Variants in ULK2 observed in about 807,000 individuals in gnomAD.
ULK2 encodes serine/threonine-protein kinase ULK2.
A neutral mutation model predicts 127.5 loss-of-function variants in ULK2; 76 were observed. That is an observed-to-expected ratio of 0.60 (90% CI 0.50 to 0.72). The LOEUF is 0.72. Among genes scored for constraint, ULK2 ranks in the 30% least tolerant of loss-of-function variants. The pLI is 0.00. For missense variants in ULK2, 1,144 were observed against 1,295.9 expected (o/e 0.88, Z 1.80); for synonymous variants, 452 against 461.9 (o/e 0.98, Z 0.28).
At chr17:19,815,599 A>G (rs771058682) in intron 13 of ULK2, among the ~76,000 whole-genome samples, 1 of 152,242 alleles carries the variant, frequency 6.6e-6, no homozygotes, top group Non-Finnish European at 1.5e-5. Flanking sequence ...CATTATATAT[A>G]TTTTAAAAAC....
rs771645755 is a variant in ULK2 at position 19,796,168 on chromosome 17, A to T, written c.1924T>A (p.Cys642Ser). Residue 642 changes from cysteine to serine, a missense_variant, in exon 19 of 27, where the codon TGT (cysteine) becomes AGT (serine). Physicochemically the swap from Cys to Ser is moderately radical, Grantham distance 112. Coordinates refer to ENST00000395544, the MANE Select transcript of ULK2 (RefSeq NM_014683.4). ...QSKDGNEPRE[C>S]AHCLLVQGSE... ...CCTTGCACTAAGAGGCAATGGGCAC[A>T]TTCCCGTGGCTCATTCCCATCTTTC... 3.1e-6 allele frequency: 5 copies of T among 1,614,194 alleles called. No individual in the cohort carries two copies. In the South Asian group the frequency reaches 5.5e-5, roughly 18 times the overall value.
intron 9 of ULK2, 144 bp downstream of exon 9, chr17:19,841,345 C>T (rs2041750145): frequency 2.6e-6 from 2 of 772,672 alleles, no homozygotes; most frequent in Admixed American, 3.3e-5. Flanking sequence ...GATGTGCCAG[C>T]AATTTTCTAA....
chr17:19,843,662 T>C (rs2041817383), intron 7 of ULK2, among the ~76,000 whole-genome samples: 1 of 144,396 alleles, frequency 6.9e-6, no homozygotes, highest in Admixed American at 6.8e-5. Context: ...TATTTTTTCT[T>C]TTTTTTTTTT....
chr17:19,841,479 A>T lies in ULK2; in HGVS notation c.704+10T>A. 6.3e-7 allele frequency: 1 copy of T among 1,590,846 alleles called. No individual in the cohort carries two copies. Among genetic ancestry groups the T allele is most frequent in the Middle Eastern group, 1.8e-4 (1 of 5,536 alleles). On this transcript the variant is annotated intron_variant, in intron 9 of 26. Transcript: ENST00000395544. ...CAAATAGTAAAACCCAGTGTAATCT[A>T]AACACATACCTAGGCATTAAGCTCC...
rs942054291 is a variant in ULK2 at position 19,777,633 on chromosome 17, T to C, written c.3000A>G (p.Glu1000=). The change falls in exon 26 of 27, where the codon GAA becomes GAG. Residue 1000 remains glutamate, a synonymous_variant. Transcript: ENST00000395544. The part of the protein sequence containing the change: ...YRYHKAALLL[E]GLSRILQDPA... ...GGTCCTGTAGAATCCTACTTAGGCC[T>C]TCCAAAAGAAGGGCTGCCTTATGAT... 3.3e-5 allele frequency: 54 copies of C among 1,613,958 alleles called. No individual in the cohort carries two copies. In the Admixed American group the frequency reaches 8.0e-4, roughly 24 times the overall value.
At chr17:19,833,535 C>T (rs937577608) in intron 10 of ULK2, among the ~76,000 whole-genome samples, 1 of 151,910 alleles carries the variant, frequency 6.6e-6, no homozygotes, top group Non-Finnish European at 1.5e-5. Context: ...ATGGTGAAAC[C>T]CCGACTCTAT....
chr17:19,841,618 CAT>C (rs756138170), intron 8 of ULK2, 71 bp from the exon 9 acceptor site: 7 of 1,227,860 alleles, frequency 5.7e-6, no homozygotes, highest in Non-Finnish European at 7.9e-6. Flanking sequence ...GATTGACACT[CAT>C]ATGCTTTTTT....
intron 12 of ULK2, among the ~76,000 whole-genome samples, chr17:19,819,149 C>T (rs1202766686): frequency 6.6e-6 from 1 of 152,124 alleles, no homozygotes; most frequent in Non-Finnish European, 1.5e-5. Flanking sequence ...CCTATATATC[C>T]CTTAATTCAA....
intron 3 of ULK2, among the ~76,000 whole-genome samples, chr17:19,852,485 C>T (rs1477292676): frequency 5.7e-5 from 8 of 141,574 alleles, no homozygotes; most frequent in Admixed American, 5.0e-4. Flanking sequence ...CACCACTGCA[C>T]TCTAGCCTGG....
At chr17:19,816,624 C>G in intron 13 of ULK2, 125 bp downstream of exon 13, 1 of 833,108 alleles carries the variant, frequency 1.2e-6, no homozygotes, top group Non-Finnish European at 1.7e-6. Context: ...AGAATTCAAA[C>G]AACTAAATAA....
In ULK2 at chr17:19,797,470, A is replaced by T. The variant is rs1316110494; in HGVS notation, c.1735T>A (p.Leu579Met). ...GSLGTSPTKHLGSSPRSSDWF... is the reference protein window; with the variant it reads ...GSLGTSPTKHMGSSPRSSDWF... Reference sequence around the variant, plus strand: ...TCAGAACTCCGTGGAGAGGACCCCAAGTGCTTGGTGGGAGAAGTTCCAAGG... The same window carrying T: ...TCAGAACTCCGTGGAGAGGACCCCATGTGCTTGGTGGGAGAAGTTCCAAGG... The change falls in exon 18 of 27, where the codon TTG becomes ATG. Residue 579 changes from leucine (L) to methionine (M), a missense_variant. Leu to Met is a conservative substitution (Grantham distance 15). Around this residue, in one of 2 missense-constraint regions of ULK2, gnomAD observed 913 missense variants for 970.5 expected, o/e 0.94. Coordinates refer to ENST00000395544, the MANE Select transcript of ULK2 (RefSeq NM_014683.4). 1.2e-6 allele frequency: 2 copies of T among 1,613,974 alleles called. No homozygotes were observed. Among genetic ancestry groups the T allele is most frequent in the African/African-American group, 2.7e-5 (2 of 75,030 alleles).
chr17:19,861,482 T>C (rs1193031813), intron 3 of ULK2, among the ~76,000 whole-genome samples: 1 of 152,120 alleles, frequency 6.6e-6, no homozygotes, highest in Non-Finnish European at 1.5e-5. Context: ...GAGGCGAAGC[T>C]TGCAGTGAGC....
chr17:19,809,018 C>A (rs1413226660), intron 14 of ULK2, among the ~76,000 whole-genome samples: 1 of 152,104 alleles, frequency 6.6e-6, no homozygotes, highest in African/African-American at 2.4e-5. Flanking sequence ...TTGAAGCAAC[C>A]CCAAATGTTC....
chr17:19,812,774 A>T (rs1261882954), intron 13 of ULK2, among the ~76,000 whole-genome samples: 1 of 152,252 alleles, frequency 6.6e-6, no homozygotes, highest in South Asian at 2.1e-4. Context: ...CTATTTGTAT[A>T]TCTCATAATA....
chr17:19,793,449 T>A (rs932598084), intron 20 of ULK2, among the ~76,000 whole-genome samples: 6 of 152,088 alleles, frequency 3.9e-5, no homozygotes, highest in Non-Finnish European at 8.8e-5. Flanking sequence ...GAATAGCCCA[T>A]CCAAAAGAAT....
At chr17:19,848,116 A>T (rs574821790) in intron 5 of ULK2, 3 of 152,230 alleles carry the variant, frequency 2.0e-5, no homozygotes, top group Admixed American at 6.5e-5. Flanking sequence ...AATACAGAGA[A>T]GATTAGCAAA....
At position 19,849,351 on chromosome 17, in the gene ULK2, A is replaced by G. The variant is rs1444048334; in HGVS notation, c.295+18T>C. The G allele has an allele frequency of 1.9e-6, 3 of 1,605,094 alleles. No individual in the cohort carries two copies. In the Admixed American group the frequency reaches 5.1e-5, roughly 27 times the overall value. On this transcript the variant is annotated intron_variant, in intron 5 of 26. Transcript: ENST00000395544. ...GCAGCACTGTCTTTACTGAACACTG[A>G]CACACATACACAGTTACCTTGCAAA...
chr17:19,820,293 C>T (rs1214710057), intron 12 of ULK2, among the ~76,000 whole-genome samples: 2 of 152,126 alleles, frequency 1.3e-5, no homozygotes, highest in African/African-American at 2.4e-5. Context: ...GTGATCCACC[C>T]GCCTAGGCCT....
At chr17:19,811,456 T>G (rs1467357988) in intron 13 of ULK2, among the ~76,000 whole-genome samples, 1 of 152,074 alleles carries the variant, frequency 6.6e-6, no homozygotes, top group Non-Finnish European at 1.5e-5. Flanking sequence ...ATTTATGTAT[T>G]TTTGAGACAG....
Sources: gnomAD v4.1 joint callset for allele counts (sites outside exome capture counted in the v4.1 genomes callset) on GRCh38, gnomAD v4.1.1 for gene constraint, gnomAD v4.1.1 regional missense constraint, MANE v1.5 for transcripts, NCBI Gene and HGNC (gene_info 2026-07-23, HGNC 2026-07-21) for gene names.